Variants in DMD observed in about 807,000 individuals in gnomAD.
The protein encoded by DMD is mutant dystrophin.
DMD carries 63 observed loss-of-function variants against 330.1 expected under a neutral mutation model. The ratio of observed to expected loss-of-function variants is 0.19; its 90% confidence interval spans 0.16 to 0.24. DMD has a LOEUF of 0.24. Among genes scored for constraint, DMD ranks in the 10% least tolerant of loss-of-function variants. The pLI, the probability that DMD is intolerant of heterozygous loss-of-function variation, is 1.00. For synonymous variants in DMD, 1,223 were observed against 959.8 expected (o/e 1.27, Z -5.07); for missense variants, 3,344 against 2,684.1 (o/e 1.25, Z -5.43).
At chrX:31,754,577 C>T (rs1019150010) in intron 51 of DMD, among the ~76,000 whole-genome samples, 1 of 110,739 alleles carries the variant, frequency 9.0e-6, no homozygotes, top group Non-Finnish European at 1.9e-5. Context: ...ATCAACAAAA[C>T]GAATGTATTA....
intron 1 of DMD, among the ~76,000 whole-genome samples, chrX:33,179,697 A>G (rs1169453559): frequency 1.0e-4 from 11 of 110,486 alleles, no homozygotes; most frequent in African/African-American, 3.6e-4. Context: ...CCGTCTCAAA[A>G]AAAAAAAAAG....
chrX:31,970,548 C>A (rs1351374892), intron 44 of DMD, among the ~76,000 whole-genome samples: 4 of 110,645 alleles, frequency 3.6e-5, no homozygotes, highest in African/African-American at 1.3e-4. Context: ...GCGGAGGAGA[C>A]TTCTGGGTCA....
intron 51 of DMD, among the ~76,000 whole-genome samples, chrX:31,749,724 C>A (rs1218443075): frequency 9.4e-6 from 1 of 106,284 alleles, no homozygotes; most frequent in Non-Finnish European, 1.9e-5. Context: ...GCCACACTGA[C>A]TTCCACAATG....
At chrX:32,557,964 ATAAT>A (rs965435545) in intron 16 of DMD, among the ~76,000 whole-genome samples, 17 of 110,113 alleles carry the variant, frequency 1.5e-4, no homozygotes, top group East Asian at 2.8e-4. Context: ...ATTTATATTA[ATAAT>A]TAATTTATTA....
At chrX:32,848,955 C>T (rs921541526) in intron 3 of DMD, among the ~76,000 whole-genome samples, 1 of 110,871 alleles carries the variant, frequency 9.0e-6, no homozygotes, top group Non-Finnish European at 1.9e-5. Flanking sequence ...TGAACGACAG[C>T]TTCAGTTTGT....
At chrX:31,990,095 G>A (rs2095539684) in intron 44 of DMD, among the ~76,000 whole-genome samples, 1 of 112,443 alleles carries the variant, frequency 8.9e-6, no homozygotes, top group Non-Finnish European at 1.9e-5. Flanking sequence ...ACATTGTTCT[G>A]TCATTAGAAG....
chrX:31,467,437 C>T (rs1569545111), intron 59 of DMD, among the ~76,000 whole-genome samples: 1 of 111,679 alleles, frequency 9.0e-6, no homozygotes, highest in Non-Finnish European at 1.9e-5. Context: ...TGGTTTTTGT[C>T]ATTGGTTCTG....
chrX:31,618,233 G>GA (rs59868097), intron 55 of DMD, among the ~76,000 whole-genome samples: 38,975 of 89,731 alleles, frequency 0.43, 6,492 homozygotes, highest in Middle Eastern at 0.5. Context: ...AAATAAAAGT[G>GA]AAAAAAAAAA....
chrX:33,306,938 T>C (rs2053771896), intron 1 of DMD, among the ~76,000 whole-genome samples: 1 of 112,107 alleles, frequency 8.9e-6, no homozygotes. Context: ...AGTTTACTTA[T>C]CTGCAAAATG....
chrX:32,997,509 T>G (rs146865820), intron 2 of DMD, among the ~76,000 whole-genome samples: 4,014 of 111,637 alleles, frequency 0.036, 129 homozygotes, highest in East Asian at 0.2. Context: ...CTCCCAAAGT[T>G]CTGGGGTTAT....
intron 15 of DMD, among the ~76,000 whole-genome samples, chrX:32,567,898 C>A (rs1433732521): frequency 9.0e-6 from 1 of 110,661 alleles, no homozygotes; most frequent in East Asian, 2.8e-4. Flanking sequence ...ACAATATACA[C>A]AAAGACACAA....
chrX:32,642,581 T>G (rs750420613), intron 11 of DMD, among the ~76,000 whole-genome samples: 10 of 112,202 alleles, frequency 8.9e-5, no homozygotes, highest in African/African-American at 2.9e-4. Context: ...GGGGAATTTT[T>G]GAATGAACAT....
intron 45 of DMD, among the ~76,000 whole-genome samples, chrX:31,959,769 GTTTTT>G (rs201621257): frequency 2.7e-4 from 22 of 80,866 alleles, no homozygotes; most frequent in South Asian, 6.4e-4. Flanking sequence ...CAGCACCGTG[GTTTTT>G]TTTTTTTTTT....
At position 32,479,069 on chromosome X, in the gene DMD, T is replaced by C. The variant is rs759071326; in HGVS notation, c.2803+5850A>G. Among the ~76,000 whole-genome samples the C allele has an allele frequency of 2.2e-4, 25 of 111,546 alleles. No individual in the cohort carries two copies. In the East Asian group the frequency reaches 7.0e-3, roughly 31 times the overall value. On this transcript the variant is annotated intron_variant, in intron 21 of 78. Transcript: ENST00000357033. ...TATTAGAATTTAAGAGTTTTTTTCT[T>C]TTGCTGAATTTTCCCTTTTTCTAAA...
chrX:32,498,946 T>A (rs992033289), intron 19 of DMD, among the ~76,000 whole-genome samples: 1 of 111,731 alleles, frequency 9.0e-6, no homozygotes, highest in Non-Finnish European at 1.9e-5. Flanking sequence ...CTTAAATTCC[T>A]TCAACAAATT....
At chrX:33,113,300 G>A (rs890253931) in intron 1 of DMD, among the ~76,000 whole-genome samples, 4 of 110,495 alleles carry the variant, frequency 3.6e-5, no homozygotes, top group South Asian at 3.9e-4. Context: ...CAGGTGATCC[G>A]CACGCCTCAG....
intron 1 of DMD, among the ~76,000 whole-genome samples, chrX:33,200,528 T>C: frequency 9.0e-6 from 1 of 111,689 alleles, no homozygotes; most frequent in East Asian, 2.8e-4. Context: ...CTTTCTTTTT[T>C]CCTAGAAAAG....
chrX:32,201,693 G>GTTCTTCT (rs2097039694), intron 44 of DMD, among the ~76,000 whole-genome samples: 1 of 111,252 alleles, frequency 9.0e-6, no homozygotes, highest in Non-Finnish European at 1.9e-5. Flanking sequence ...ATCCACTATA[G>GTTCTTCT]TTCTTCTTTC....
chrX:31,786,753 C>T (rs1055302168), intron 50 of DMD, among the ~76,000 whole-genome samples: 1 of 111,696 alleles, frequency 9.0e-6, no homozygotes, highest in Admixed American at 9.5e-5. Context: ...TGCAAAGATA[C>T]AAAAGTCTCG....
Sources: gnomAD v4.1 joint callset for allele counts (sites outside exome capture counted in the v4.1 genomes callset) on GRCh38, gnomAD v4.1.1 for gene constraint, MANE v1.5 for transcripts, NCBI Gene and HGNC (gene_info 2026-07-23, HGNC 2026-07-21) for gene names.